The following DLGAP2 variants were observed in gnomAD, a reference collection of about 807,000 sequenced individuals.
The protein encoded by DLGAP2 is DLG associated protein 2.
Under a neutral mutation model 100.3 loss-of-function variants are expected in DLGAP2, and 26 were observed. The observed-to-expected ratio is 0.26, with a 90% CI of 0.19 to 0.36. DLGAP2 has a LOEUF of 0.36. Ranked by LOEUF, DLGAP2 falls within the 10% of genes least tolerant of loss-of-function variation. The pLI is 1.00. For synonymous variants in DLGAP2, 886 were observed against 630.1 expected (o/e 1.41, Z -6.08); for missense variants, 1,858 against 1,453.2 (o/e 1.28, Z -4.53).
chr8:763,371 A>C (rs1470006890), intron 1 of DLGAP2, among the ~76,000 whole-genome samples: 1 of 152,212 alleles, frequency 6.6e-6, no homozygotes, highest in Non-Finnish European at 1.5e-5. Flanking sequence ...AGAGCCCTCC[A>C]TGGTTATCAG....
At chr8:1,294,834 A>G (rs1358915923) in intron 3 of DLGAP2, among the ~76,000 whole-genome samples, 1 of 150,912 alleles carries the variant, frequency 6.6e-6, no homozygotes, top group Non-Finnish European at 1.5e-5. Flanking sequence ...GTGCTGTTGC[A>G]TTCCAGCCTG....
chr8:1,640,511 C>G (rs1312768634), intron 8 of DLGAP2, among the ~76,000 whole-genome samples: 3 of 152,206 alleles, frequency 2.0e-5, no homozygotes, highest in East Asian at 1.9e-4. Flanking sequence ...CTCAGGATGT[C>G]TCTGATTGTC....
At chr8:1,509,839 C>T (rs1157220195) in intron 4 of DLGAP2, among the ~76,000 whole-genome samples, 2 of 152,162 alleles carry the variant, frequency 1.3e-5, no homozygotes, top group Non-Finnish European at 2.9e-5. Context: ...GTATCATTGT[C>T]ATCATTGCTC....
chr8:1,406,831 T>A (rs367732715), intron 3 of DLGAP2, among the ~76,000 whole-genome samples: 16 of 5,120 alleles, frequency 3.1e-3, no homozygotes, highest in African/African-American at 6.5e-3. Flanking sequence ...CTTGTCCTCC[T>A]GAGTCGTGTA....
At chr8:1,410,834 T>C (rs1439048698) in intron 3 of DLGAP2, among the ~76,000 whole-genome samples, 4 of 76,762 alleles carry the variant, frequency 5.2e-5, no homozygotes, top group Non-Finnish European at 1.1e-4. Context: ...CTGGAGCCAT[T>C]TTTTTTTTTT....
At chr8:1,592,158 C>G (rs118154318) in intron 6 of DLGAP2, among the ~76,000 whole-genome samples, 8,006 of 152,276 alleles carry the variant, frequency 0.053, 291 homozygotes, top group Middle Eastern at 0.17. Context: ...CCAGGCTTAC[C>G]TAACGGGGCC....
intron 2 of DLGAP2, among the ~76,000 whole-genome samples, chr8:1,046,836 C>A (rs750990299): frequency 2.6e-5 from 4 of 152,092 alleles, no homozygotes; most frequent in Non-Finnish European, 5.9e-5. Context: ...ACCACAACCC[C>A]CCTTTTTTTT....
chr8:967,765 G>GTATATA (rs1262660337), intron 2 of DLGAP2, among the ~76,000 whole-genome samples: 1 of 52,638 alleles, frequency 1.9e-5, no homozygotes, highest in African/African-American at 6.6e-5. Context: ...ACAAAGAGGT[G>GTATATA]TATATATATA....
chr8:860,382 A>G (rs1797366360), intron 1 of DLGAP2, among the ~76,000 whole-genome samples: 1 of 152,228 alleles, frequency 6.6e-6, no homozygotes, highest in South Asian at 2.1e-4. Flanking sequence ...CGGCTGAGAA[A>G]TGAAAACAGC....
intron 2 of DLGAP2, among the ~76,000 whole-genome samples, chr8:1,075,131 A>G (rs183395065): frequency 5.3e-5 from 8 of 152,308 alleles, no homozygotes; most frequent in Admixed American, 1.3e-4. Flanking sequence ...CTCAGACTCA[A>G]TGGAGTTCAC....
At chr8:906,534 A>AGT (rs1304095152) in intron 1 of DLGAP2, among the ~76,000 whole-genome samples, 4 of 151,988 alleles carry the variant, frequency 2.6e-5, no homozygotes, top group East Asian at 1.9e-4. Flanking sequence ...CCGGGAGTTG[A>AGT]GTGTGTGTGT....
At chr8:1,370,306 C>G (rs942987611) in intron 3 of DLGAP2, among the ~76,000 whole-genome samples, 1 of 152,138 alleles carries the variant, frequency 6.6e-6, no homozygotes, top group Non-Finnish European at 1.5e-5. Context: ...GCAGCAGTCA[C>G]ACGGCGTGAT....
At chr8:1,565,598 G>T (rs1802365104) in intron 5 of DLGAP2, 85 bp from the exon 6 acceptor site, 1 of 1,049,086 alleles carries the variant, frequency 9.5e-7, no homozygotes, top group East Asian at 2.6e-5. Flanking sequence ...TTATGGAATT[G>T]TAGAGGATTT....
intron 1 of DLGAP2, among the ~76,000 whole-genome samples, chr8:821,635 G>C (rs545839967): frequency 6.6e-6 from 1 of 152,208 alleles, no homozygotes; most frequent in Non-Finnish European, 1.5e-5. Flanking sequence ...AATATTCTCT[G>C]GTACTGGTTG....
At chr8:985,643 C>A (rs1800464868) in intron 2 of DLGAP2, among the ~76,000 whole-genome samples, 1 of 152,186 alleles carries the variant, frequency 6.6e-6, no homozygotes, top group Admixed American at 6.5e-5. Flanking sequence ...CTAGTAAGTA[C>A]AATCTGTATT....
At chr8:741,649 C>T (rs550281841) in intron 1 of DLGAP2, among the ~76,000 whole-genome samples, 23 of 152,312 alleles carry the variant, frequency 1.5e-4, no homozygotes, top group Admixed American at 2.6e-4. Context: ...TTTCTAGACC[C>T]GTTACTGCAG....
chr8:1,105,460 G>C (rs1804725211), intron 2 of DLGAP2, among the ~76,000 whole-genome samples: 2 of 152,092 alleles, frequency 1.3e-5, no homozygotes, highest in Admixed American at 1.3e-4. Flanking sequence ...ACATGGTTCT[G>C]GTCCGTGTTT....
chr8:1,496,085 C>T (rs1037552800), intron 3 of DLGAP2, among the ~76,000 whole-genome samples: 1 of 152,176 alleles, frequency 6.6e-6, no homozygotes, highest in African/African-American at 2.4e-5. Context: ...CCACTGGCTT[C>T]CCTGAAAGTC....
chr8:781,894 G>A lies in DLGAP2; in HGVS notation c.18+44069G>A, dbSNP rs145961760. On this transcript the variant is annotated intron_variant, in intron 1 of 14. Coordinates refer to ENST00000637795, the MANE Select transcript of DLGAP2 (RefSeq NM_001346810.2). ...AAAAAGGAGAAGTTGAGTGCATTTA[G>A]GAGATAGGATAATACCACTGCTATT... Among the ~76,000 whole-genome samples the A allele has an allele frequency of 7.8e-4, 119 of 152,250 alleles. 2 individuals carry two copies. Among genetic ancestry groups the A allele is most frequent in the African/African-American group, 2.2e-3 (90 of 41,524 alleles).
Sources: gnomAD v4.1 joint callset for allele counts (sites outside exome capture counted in the v4.1 genomes callset) on GRCh38, gnomAD v4.1.1 for gene constraint, MANE v1.5 for transcripts, NCBI Gene and HGNC (gene_info 2026-07-23, HGNC 2026-07-21) for gene names.